Variants in SHLD1 observed in about 807,000 individuals in gnomAD.
SHLD1 encodes RINN1-REV7-interacting novel NHEJ regulator 3.
Under a neutral mutation model 5.5 loss-of-function variants are expected in SHLD1, and 3 were observed. The observed-to-expected ratio is 0.54, with a 90% CI of 0.25 to 1.40. The LOEUF is 1.40. Ranked by LOEUF, SHLD1 falls within the 40% of genes most tolerant of loss-of-function variation. SHLD1 has a pLI of 0.15. For synonymous variants in SHLD1, 92 were observed against 94.3 expected (o/e 0.98, Z 0.14); for missense variants, 210 against 244.4 (o/e 0.86, Z 0.94).
intron 1 of SHLD1, among the ~76,000 whole-genome samples, chr20:5,767,588 C>T (rs1047966501): frequency 1.3e-5 from 2 of 152,190 alleles, no homozygotes; most frequent in Admixed American, 6.5e-5. Flanking sequence ...AATTCTTGTT[C>T]ATGAGATTGC....
At position 5,796,282 on chromosome 20, in the gene SHLD1, A is replaced by G. The variant is rs563542067; in HGVS notation, c.178+23239A>G. 8.5e-5 allele frequency among the ~76,000 whole-genome samples: 13 copies of G among 152,272 alleles called. No individual in the cohort carries two copies. The South Asian group carries it at 2.7e-3, about 32-fold the overall frequency. On this transcript the variant is annotated intron_variant, in intron 2 of 2. Transcript: ENST00000303142. ...TGTGAGCACTCTCAAAATTATCTAA[A>G]GTATTTTTTTAATTGAACTATTGGT...
In SHLD1 at chr20:5,855,991, A is replaced by T. The variant is rs2088078412; in HGVS notation, c.179-7033A>T. Among the ~76,000 whole-genome samples, 1 of 152,210 alleles carries T rather than the reference A, an allele frequency of 6.6e-6. No homozygotes were observed. Among genetic ancestry groups the T allele is most frequent in the African/African-American group, 2.4e-5 (1 of 41,454 alleles). ...AGTCACTAGGCAATGTTGAGATAGT[A>T]GCTGCTCTGTTGGTCTGGGTTCTGG... On this transcript the variant is annotated intron_variant, in intron 2 of 2. Coordinates refer to ENST00000303142, the MANE Select transcript of SHLD1 (RefSeq NM_152504.4). This position sits in a 1 kb window ranked among gnomAD's most constrained non-coding sequence, Gnocchi z 4.4.
intron 1 of SHLD1, among the ~76,000 whole-genome samples, chr20:5,753,196 T>A: frequency 6.6e-6 from 1 of 152,290 alleles, no homozygotes; most frequent in African/African-American, 2.4e-5. Context: ...ACCAGGTTAA[T>A]AAAAAAAGAA....
At chr20:5,833,163 G>A (rs1161160096) in intron 2 of SHLD1, among the ~76,000 whole-genome samples, 3 of 152,046 alleles carry the variant, frequency 2.0e-5, no homozygotes, top group Admixed American at 6.6e-5. Flanking sequence ...TAGACTCCTC[G>A]GCTTCTCTCC....
At position 5,810,344 on chromosome 20, in the gene SHLD1, T is replaced by C. The variant is rs530908629; in HGVS notation, c.178+37301T>C. On this transcript the variant is annotated intron_variant, in intron 2 of 2. Coordinates refer to ENST00000303142, the MANE Select transcript of SHLD1 (RefSeq NM_152504.4). ...GACTGATACTGTGGTAGAGTGATCT[T>C]AGCATTAGGCTAGGTGGCAATTAGG... Among the ~76,000 whole-genome samples the C allele has an allele frequency of 1.3e-3, 196 of 152,210 alleles. 7 individuals carry two copies. The highest frequency in any genetic ancestry group is 4.5e-3 in the African/African-American group (188 of 41,450).
intron 1 of SHLD1, among the ~76,000 whole-genome samples, chr20:5,755,717 G>A (rs1199114303): frequency 2.0e-5 from 3 of 151,924 alleles, no homozygotes; most frequent in Non-Finnish European, 2.9e-5. Flanking sequence ...GCACCACCGC[G>A]CCTGGCTAAT....
chr20:5,775,735 C>A (rs1413491565), intron 2 of SHLD1, among the ~76,000 whole-genome samples: 1 of 151,978 alleles, frequency 6.6e-6, no homozygotes, highest in African/African-American at 2.4e-5. Context: ...AGCCACTTAG[C>A]CCCTCTGTAC....
chr20:5,859,225 G>C (rs1172565363), intron 2 of SHLD1, among the ~76,000 whole-genome samples: 1 of 152,158 alleles, frequency 6.6e-6, no homozygotes, highest in Admixed American at 6.5e-5. Context: ...CAGTGCAGCG[G>C]GAGTCAACAT....
At chr20:5,856,108 T>G (rs1251674096) in intron 2 of SHLD1, among the ~76,000 whole-genome samples, 1 of 152,208 alleles carries the variant, frequency 6.6e-6, no homozygotes, top group Non-Finnish European at 1.5e-5. Flanking sequence ...CCCTTTGCTG[T>G]TTCATGCCCT....
chr20:5,757,003 G>A (rs1374453973), intron 1 of SHLD1, among the ~76,000 whole-genome samples: 1 of 150,658 alleles, frequency 6.6e-6, no homozygotes, highest in Non-Finnish European at 1.5e-5. Flanking sequence ...TGAGGGAAAA[G>A]CATTCAGTCT....
At chr20:5,766,733 A>G (rs1984850858) in intron 1 of SHLD1, among the ~76,000 whole-genome samples, 1 of 152,122 alleles carries the variant, frequency 6.6e-6, no homozygotes, top group Non-Finnish European at 1.5e-5. Context: ...TACACTGCTC[A>G]TGTTATTCTG....
Position 5,863,296 on chromosome 20 carries a change from A to G in SHLD1, c.451A>G (p.Ile151Val). The G allele has an allele frequency of 6.2e-7, 1 of 1,614,178 alleles. No homozygotes were observed. Among genetic ancestry groups the G allele is most frequent in the Admixed American group, 1.7e-5 (1 of 60,026 alleles). ...ALRSFQMARV[I>V]FNRDGCSVLQ... ...CCGCAGTTTTCAAATGGCCCGGGTG[A>G]TCTTCAACCGGGACGGCTGCTCCGT... Residue 151 changes from isoleucine (I) to valine (V), a missense_variant, in exon 3 of 3, where the codon ATC becomes GTC. Transcript: ENST00000303142.
At chr20:5,767,676 T>A (rs187582976) in intron 1 of SHLD1, among the ~76,000 whole-genome samples, 7 of 152,238 alleles carry the variant, frequency 4.6e-5, no homozygotes, top group Non-Finnish European at 8.8e-5. Flanking sequence ...ATAACTGCTC[T>A]GCATGTGCCC....
intron 2 of SHLD1, among the ~76,000 whole-genome samples, chr20:5,816,946 G>A (rs546500155): frequency 1.3e-5 from 2 of 152,276 alleles, no homozygotes; most frequent in East Asian, 1.9e-4. Flanking sequence ...GTGCCTGCCT[G>A]TAGCCCCAGT....
chr20:5,849,217 T>TTA (rs1457216238), intron 2 of SHLD1, among the ~76,000 whole-genome samples: 1 of 152,196 alleles, frequency 6.6e-6, no homozygotes, highest in Admixed American at 6.5e-5. Context: ...AACCCTGGTG[T>TTA]TACGACGCAG....
rs571833627 is a variant in SHLD1, at chr20:5,766,379, C to T, written c.-4-6483C>T. On this transcript the variant is annotated intron_variant, in intron 1 of 2. Transcript: ENST00000303142. ...GCCTGAGCGAATGTGTACAACAGCA[C>T]GTGACTGGGTGTCCTCAAACAAAAA... 2.0e-5 allele frequency among the ~76,000 whole-genome samples: 3 copies of T among 152,300 alleles called. 1 individual carries two copies. Among genetic ancestry groups the T allele is most frequent in the African/African-American group, 7.2e-5 (3 of 41,566 alleles).
chr20:5,848,625 A>G (rs986282672), intron 2 of SHLD1, among the ~76,000 whole-genome samples: 14 of 152,334 alleles, frequency 9.2e-5, no homozygotes, highest in Admixed American at 2.6e-4. Flanking sequence ...TTCATTGCCA[A>G]TTTGGGGTGG....
intron 2 of SHLD1, among the ~76,000 whole-genome samples, chr20:5,790,311 A>T (rs1296974761): frequency 1.3e-5 from 2 of 152,198 alleles, no homozygotes; most frequent in Non-Finnish European, 2.9e-5. Context: ...TTCAGGCAGC[A>T]CTAGCAGGAG....
At chr20:5,795,417 CA>C (rs2087197085) in intron 2 of SHLD1, among the ~76,000 whole-genome samples, 1 of 151,648 alleles carries the variant, frequency 6.6e-6, no homozygotes. Context: ...GCCAATATGG[CA>C]AAACCCCCCT....
Sources: allele counts gnomAD v4.1 joint callset (sites outside exome capture counted in the v4.1 genomes callset), GRCh38; gene constraint gnomAD v4.1.1; non-coding constraint Gnocchi (gnomAD v3.1); transcripts MANE v1.5; gene names NCBI Gene and HGNC (gene_info 2026-07-23, HGNC 2026-07-21).